The following AK9 variants were observed in gnomAD, a reference collection of about 807,000 sequenced individuals.
AK9 encodes adenylate kinase domain containing 1.
In AK9, 191 loss-of-function variants were observed where a neutral mutation model predicts 239.6. That is an observed-to-expected ratio of 0.80 (90% CI 0.71 to 0.90). AK9 has a LOEUF of 0.90. Ranked by LOEUF, AK9 falls within the 40% of genes least tolerant of loss-of-function variation. AK9 has a pLI of 0.00. For synonymous variants in AK9, 689 were observed against 721.0 expected (o/e 0.96, Z 0.71); for missense variants, 1,995 against 2,214.7 (o/e 0.90, Z 1.99).
At chr6:109,671,281 T>C (rs1474311204) in intron 5 of AK9, among the ~76,000 whole-genome samples, 3 of 152,226 alleles carry the variant, frequency 2.0e-5, no homozygotes, top group African/African-American at 4.8e-5. Flanking sequence ...CCATTTCAGG[T>C]GGATGATTTT....
chr6:109,590,557 G>C (rs959145304), intron 17 of AK9, among the ~76,000 whole-genome samples: 3 of 151,882 alleles, frequency 2.0e-5, no homozygotes, highest in Non-Finnish European at 2.9e-5. Context: ...ATTTAGTTCT[G>C]CTAGCTTTTG....
chr6:109,671,961 G>A lies in AK9; in HGVS notation c.289C>T (p.Leu97=). The part of the protein sequence containing the change: ...QSIPDELVIK[L]MLEKLNSPEV... ...GGGGAGTTGAGCTTCTCCAACATTA[G>A]CTTTATGACAAGTTCATCTGGAATG... The change falls in exon 5 of 41, where the codon CTA becomes TTA. Residue 97 remains leucine (L), a synonymous_variant. Coordinates refer to ENST00000424296, the MANE Select transcript of AK9 (RefSeq NM_001145128.3). 1.2e-6 allele frequency: 2 copies of A among 1,613,988 alleles called. No homozygotes were observed. Among genetic ancestry groups the A allele is most frequent in the African/African-American group, 2.7e-5 (2 of 75,030 alleles).
intron 33 of AK9, 76 bp downstream of exon 33, chr6:109,509,103 T>C: frequency 7.3e-7 from 1 of 1,363,122 alleles, no homozygotes; most frequent in Non-Finnish European, 1.0e-6. Context: ...CCCATGTAAG[T>C]GTTTTAAATC....
chr6:109,579,581 C>A lies in AK9; in HGVS notation c.2160G>T (p.Arg720Ser), dbSNP rs775154259. 1.9e-6 allele frequency: 3 copies of A among 1,551,246 alleles called. No homozygotes were observed. The highest frequency in any genetic ancestry group is 3.9e-5 in the Admixed American group (2 of 50,930). The change falls in exon 20 of 41, where the codon AGG becomes AGT. Residue 720 changes from arginine (R) to serine (S), a missense_variant. This residue lies in a region of AK9 where 1,290 missense variants were observed against 1,392.7 expected (regional missense o/e 0.93). Coordinates refer to ENST00000424296, the MANE Select transcript of AK9 (RefSeq NM_001145128.3). ...CCTTCACTTTCATAAGTTCCAGTAGCCTTCGATTTTCTTCTTCGAGTCTCA... is the reference window on the plus strand; with the variant it reads ...CCTTCACTTTCATAAGTTCCAGTAGACTTCGATTTTCTTCTTCGAGTCTCA... ...EELRLEEENR[R>S]LLELMKVKAK... is the part of the protein sequence containing the mutation.
chr6:109,497,326 T>TCTCA (rs1777140133), intron 38 of AK9, 139 bp downstream of exon 38: 4 of 421,722 alleles, frequency 9.5e-6, no homozygotes, highest in South Asian at 7.6e-5. Flanking sequence ...CAGTGCTTGT[T>TCTCA]CACACACACA....
At chr6:109,567,340 T>C (rs1202827391) in intron 21 of AK9, among the ~76,000 whole-genome samples, 1 of 152,062 alleles carries the variant, frequency 6.6e-6, no homozygotes, top group Non-Finnish European at 1.5e-5. Context: ...AAGAAATGGA[T>C]AAATTCCTGG....
chr6:109,522,010 T>A (rs1779921731), intron 29 of AK9, among the ~76,000 whole-genome samples: 1 of 97,380 alleles, frequency 1.0e-5, no homozygotes, highest in Non-Finnish European at 2.4e-5. Flanking sequence ...TATCTGAAAA[T>A]TTTTCCATTT....
At chr6:109,528,349 T>C (rs968375267) in intron 29 of AK9, 23 of 358,862 alleles carry the variant, frequency 6.4e-5, no homozygotes, top group African/African-American at 4.9e-4. Flanking sequence ...GAGGCTACGA[T>C]TTCTGTAAGT....
intron 8 of AK9, among the ~76,000 whole-genome samples, chr6:109,654,472 C>G (rs1799409520): frequency 6.6e-6 from 1 of 152,028 alleles, no homozygotes; most frequent in African/African-American, 2.4e-5. Flanking sequence ...GCTGGGATTA[C>G]AGGTGTGCAC....
intron 20 of AK9, among the ~76,000 whole-genome samples, chr6:109,577,929 TCCTTTCTTTC>T (rs1788322674): frequency 6.8e-6 from 1 of 147,878 alleles, no homozygotes. Flanking sequence ...TTTCTTTTCT[TCCTTTCTTTC>T]TCTTTTTTTT....
intron 5 of AK9, 142 bp downstream of exon 5, chr6:109,671,777 T>G: frequency 1.5e-6 from 1 of 658,674 alleles, no homozygotes; most frequent in Non-Finnish European, 2.6e-6. Context: ...TAAAACCATC[T>G]GAGCTGTTCA....
At chr6:109,548,900 G>A (rs1783948624) in intron 25 of AK9, among the ~76,000 whole-genome samples, 1 of 152,178 alleles carries the variant, frequency 6.6e-6, no homozygotes, top group African/African-American at 2.4e-5. Flanking sequence ...ACTAAGAGGT[G>A]GCAGTGGTCC....
intron 40 of AK9, 67 bp from the exon 41 acceptor site, chr6:109,493,638 C>T: frequency 7.3e-7 from 1 of 1,372,620 alleles, no homozygotes; most frequent in Non-Finnish European, 1.0e-6. Context: ...TGAAAGAGAC[C>T]TGGATGTGTG....
chr6:109,600,212 G>A (rs1280486201), intron 17 of AK9, among the ~76,000 whole-genome samples: 2 of 152,134 alleles, frequency 1.3e-5, no homozygotes, highest in African/African-American at 4.8e-5. Flanking sequence ...TTGGCTGTGG[G>A]TTTGTCATAA....
chr6:109,547,871 A>G (rs1191639472), intron 25 of AK9, among the ~76,000 whole-genome samples: 3 of 149,248 alleles, frequency 2.0e-5, no homozygotes, highest in Admixed American at 6.7e-5. Flanking sequence ...AAAAACCCAA[A>G]TATTCTGATT....
chr6:109,501,817 T>C (rs578181803), intron 35 of AK9, among the ~76,000 whole-genome samples: 1 of 152,334 alleles, frequency 6.6e-6, no homozygotes, highest in African/African-American at 2.4e-5. Flanking sequence ...TGGTCTTCTC[T>C]GAAGAGCTGA....
chr6:109,568,896 C>T (rs1405413907), intron 21 of AK9, among the ~76,000 whole-genome samples: 2 of 152,148 alleles, frequency 1.3e-5, no homozygotes, highest in Non-Finnish European at 2.9e-5. Flanking sequence ...ATCAAGCTAC[C>T]AATGACTTTC....
At chr6:109,656,205 C>T (rs528861371) in intron 8 of AK9, among the ~76,000 whole-genome samples, 30 of 152,278 alleles carry the variant, frequency 2.0e-4, no homozygotes, top group Middle Eastern at 6.8e-3. Context: ...ATAAAATACG[C>T]TTTTCGCTAC....
At chr6:109,573,173 A>G (rs1044706612) in intron 21 of AK9, among the ~76,000 whole-genome samples, 3 of 152,160 alleles carry the variant, frequency 2.0e-5, no homozygotes, top group Admixed American at 6.5e-5. Context: ...ACTACCTTTA[A>G]TGACACTTTT....
Sources: allele counts gnomAD v4.1 joint callset (sites outside exome capture counted in the v4.1 genomes callset), GRCh38; gene constraint gnomAD v4.1.1; regional missense constraint gnomAD v4.1.1; transcripts MANE v1.5; gene names NCBI Gene and HGNC (gene_info 2026-07-23, HGNC 2026-07-21).